SFTPA1: variants seen among roughly 807,000 people sequenced by gnomAD.
SFTPA1 encodes the protein pulmonary surfactant-associated protein A1.
SFTPA1 carries 13 observed loss-of-function variants against 19.1 expected under a neutral mutation model. The ratio of observed to expected loss-of-function variants is 0.68; its 90% CI spans 0.44 to 1.08. The LOEUF is 1.08. Ranked by LOEUF, SFTPA1 falls within the 50% of genes least tolerant of loss-of-function variation. SFTPA1 has a pLI of 0.00. For missense variants in SFTPA1, 259 were observed against 316.4 expected (o/e 0.82, Z 1.38); for synonymous variants, 101 against 117.0 (o/e 0.86, Z 0.88).
At chr10:79,612,496 G>C in intron 4 of SFTPA1, 65 bp downstream of exon 4, 2 of 1,600,804 alleles carry the variant, frequency 1.2e-6, no homozygotes, top group Non-Finnish European at 1.7e-6. Flanking sequence ...TCAGTTACAC[G>C]GGGATGATGG....
chr10:79,614,951 A>G lies in SFTPA1; in HGVS notation c.*838A>G. ...CTTTCATTAATCCATTCACCCAGAT[A>G]TTTCATTAAAATTATCACGTGCCAG... On this transcript the variant is annotated 3_prime_UTR_variant, in exon 6 of 6. Coordinates refer to ENST00000398636, the MANE Select transcript of SFTPA1 (RefSeq NM_005411.5). The G allele has an allele frequency of 1.6e-6, 2 of 1,287,080 alleles. No homozygotes were observed. The highest frequency in any genetic ancestry group is 2.1e-6 in the Non-Finnish European group (2 of 975,070). 79.7% of individuals were successfully genotyped at this position (1,287,080 alleles called of 1,614,324 possible).
chr10:79,610,961 C>G lies in SFTPA1; in HGVS notation c.-116C>G, dbSNP rs946444484. 2.0e-5 allele frequency: 3 copies of G among 152,380 alleles called. No individual in the cohort carries two copies. The highest frequency in any genetic ancestry group is 4.4e-5 in the Non-Finnish European group (3 of 68,234). The allele number at this position is 152,380 out of a possible 1,614,324, so 9.4% of individuals were successfully genotyped here. On this transcript the variant is annotated 5_prime_UTR_variant, in exon 1 of 6. Coordinates refer to ENST00000398636, the MANE Select transcript of SFTPA1 (RefSeq NM_005411.5). Reference sequence around the variant, plus strand: ...TCTGACTTGGAGGCAGAGACCCAAGCAGCTGGAGGCTCTGTGTGTGGGTGA... The same window carrying G: ...TCTGACTTGGAGGCAGAGACCCAAGGAGCTGGAGGCTCTGTGTGTGGGTGA...
At position 79,612,388 on chromosome 10, in the gene SFTPA1, A is replaced by G. The variant is rs1214577796; in HGVS notation, c.249A>G (p.Gly83=). The change falls in exon 4 of 6, where the codon GGA becomes GGG. Residue 83 remains glycine, a synonymous_variant. Coordinates refer to ENST00000398636, the MANE Select transcript of SFTPA1 (RefSeq NM_005411.5). ...DGLPGAPGIP[G]ECGEKGEPGE... ...TGCCTGGAGCCCCTGGTATCCCTGG[A>G]GAGTGTGGAGAGAAGGGGGAGCCTG... 6.2e-7 allele frequency: 1 copy of G among 1,613,512 alleles called. No individual in the cohort carries two copies. The highest frequency in any genetic ancestry group is 8.5e-7 in the Non-Finnish European group (1 of 1,179,814).
At chr10:79,613,072 G>C in intron 4 of SFTPA1, 117 bp from the exon 5 acceptor site, 4 of 1,593,068 alleles carry the variant, frequency 2.5e-6, no homozygotes, top group South Asian at 2.3e-5. Context: ...TCTGGGTGGC[G>C]CCTAACAGCA....
rs767860867 is a variant in SFTPA1, at chr10:79,612,394, T to C, written c.255T>C (p.Cys85=). ...LPGAPGIPGE[C]GEKGEPGERG... is the part of the protein sequence containing the mutation. ...GAGCCCCTGGTATCCCTGGAGAGTGTGGAGAGAAGGGGGAGCCTGGCGAGA... is the reference window on the plus strand; with the variant it reads ...GAGCCCCTGGTATCCCTGGAGAGTGCGGAGAGAAGGGGGAGCCTGGCGAGA... The change falls in exon 4 of 6, where the codon TGT becomes TGC. Residue 85 remains cysteine, a synonymous_variant. Coordinates refer to ENST00000398636, the MANE Select transcript of SFTPA1 (RefSeq NM_005411.5). 2.9e-5 allele frequency: 46 copies of C among 1,613,134 alleles called. No homozygotes were observed. The Admixed American group carries it at 4.2e-4, about 15-fold the overall frequency.
intron 2 of SFTPA1, 81 bp from the exon 3 acceptor site, chr10:79,611,722 A>G (rs1371571006): frequency 6.2e-6 from 10 of 1,609,250 alleles, no homozygotes; most frequent in Non-Finnish European, 8.5e-6. Flanking sequence ...GGCTCTGCCC[A>G]GCTTCCTGAG....
At position 79,613,227 on chromosome 10, in the gene SFTPA1, C is replaced by T. The variant is rs757950486; in HGVS notation, c.331C>T (p.Leu111Phe). 2 of 1,614,082 alleles carry T rather than the reference C, an allele frequency of 1.2e-6. No individual in the cohort carries two copies. Among genetic ancestry groups the T allele is most frequent in the Non-Finnish European group, 1.7e-6 (2 of 1,180,000 alleles). The change falls in exon 5 of 6, where the codon CTC becomes TTC. Residue 111 changes from leucine to phenylalanine, a missense_variant. Coordinates refer to ENST00000398636, the MANE Select transcript of SFTPA1 (RefSeq NM_005411.5). ...AHLDEELQAT[L>F]HDFRHQILQT... is the part of the protein sequence containing the mutation. Reference sequence around the variant, plus strand: ...TCTAGATGAGGAGCTCCAAGCCACACTCCACGACTTTAGACATCAAATCCT... The same window carrying T: ...TCTAGATGAGGAGCTCCAAGCCACATTCCACGACTTTAGACATCAAATCCT...
intron 3 of SFTPA1, 67 bp downstream of exon 3, chr10:79,612,064 C>T (rs1859882015): frequency 6.3e-7 from 1 of 1,596,252 alleles, no homozygotes; most frequent in Non-Finnish European, 8.5e-7. Flanking sequence ...CCCATCTGTC[C>T]AGGCCCCTAG....
Position 79,615,215 on chromosome 10 carries a change from G to A in SFTPA1, c.*1102G>A. 3.5e-6 allele frequency: 2 copies of A among 572,374 alleles called. No individual in the cohort carries two copies. Among genetic ancestry groups the A allele is most frequent in the Non-Finnish European group, 5.5e-6 (2 of 364,960 alleles). 35.5% of individuals were successfully genotyped at this position (572,374 alleles called of 1,614,324 possible). A position where few individuals can be genotyped will look rare whatever the true frequency, so the allele number is the denominator to read the frequency against. On this transcript the variant is annotated 3_prime_UTR_variant, in exon 6 of 6. Coordinates refer to ENST00000398636, the MANE Select transcript of SFTPA1 (RefSeq NM_005411.5). ...AAGCACTTCTAATACAGCATATTATGTACTATTCAATCTTTACACAATGTC... is the reference window on the plus strand; with the variant it reads ...AAGCACTTCTAATACAGCATATTATATACTATTCAATCTTTACACAATGTC...
Position 79,610,985 on chromosome 10 carries a change from G to C in SFTPA1, c.-95+3G>C, listed in dbSNP as rs896861562. The C allele has an allele frequency of 2.6e-5, 4 of 152,594 alleles. No homozygotes were observed. The highest frequency in any genetic ancestry group is 7.2e-5 in the African/African-American group (3 of 41,448). 9.5% of individuals were successfully genotyped at this position (152,594 alleles called of 1,614,324 possible). Reference sequence around the variant, plus strand: ...GCAGCTGGAGGCTCTGTGTGTGGGTGAGTTTAGCCCCATCCCCTAGGTGTT... The same window carrying C: ...GCAGCTGGAGGCTCTGTGTGTGGGTCAGTTTAGCCCCATCCCCTAGGTGTT... On this transcript the variant is annotated splice_donor_region_variant and intron_variant, in intron 1 of 5. Transcript: ENST00000398636.
Position 79,614,250 on chromosome 10 carries a change from T to C in SFTPA1, c.*137T>C. 5 of 1,411,088 alleles carry C rather than the reference T, an allele frequency of 3.5e-6. No homozygotes were observed. Among genetic ancestry groups the C allele is most frequent in the Non-Finnish European group, 4.9e-6 (5 of 1,025,692 alleles). The allele number at this position is 1,411,088 out of a possible 1,614,324, so 87.4% of individuals were successfully genotyped here. On this transcript the variant is annotated 3_prime_UTR_variant, in exon 6 of 6. Coordinates refer to ENST00000398636, the MANE Select transcript of SFTPA1 (RefSeq NM_005411.5). Reference sequence around the variant, plus strand: ...TGGCTATTGGGACTGGAGGCACCCTTAGCCACTTCATTCCTCTGATGGGCC... The same window carrying C: ...TGGCTATTGGGACTGGAGGCACCCTCAGCCACTTCATTCCTCTGATGGGCC...
Position 79,615,172 on chromosome 10 carries a change from T to C in SFTPA1, c.*1059T>C. 3.6e-6 allele frequency: 4 copies of C among 1,121,408 alleles called. No individual in the cohort carries two copies. The highest frequency in any genetic ancestry group is 4.8e-6 in the Non-Finnish European group (4 of 840,952). 69.5% of individuals were successfully genotyped at this position (1,121,408 alleles called of 1,614,324 possible). A position where few individuals can be genotyped will look rare whatever the true frequency, so the allele number is the denominator to read the frequency against. ...GAGGCTATTGACTGAGCACCTATCA[T>C]TTGCCAAGAACCTTGACAAGCACTT... On this transcript the variant is annotated 3_prime_UTR_variant, in exon 6 of 6. Transcript: ENST00000398636.
Position 79,611,322 on chromosome 10 carries a change from G to A in SFTPA1, c.-91G>A, listed in dbSNP as rs745561324. On this transcript the variant is annotated 5_prime_UTR_variant, in exon 2 of 6. Coordinates refer to ENST00000398636, the MANE Select transcript of SFTPA1 (RefSeq NM_005411.5). ...GTTCATCTTTTTTCATTCTCAGGTC[G>A]CTGATTTCTTGGAGCCTGAAAAGAA... The A allele has an allele frequency of 4.4e-5, 17 of 383,028 alleles. No homozygotes were observed. The highest frequency in any genetic ancestry group is 1.1e-4 in the South Asian group (2 of 18,568). The allele number at this position is 383,028 out of a possible 1,614,324, so 23.7% of individuals were successfully genotyped here. A position where few individuals can be genotyped will look rare whatever the true frequency, so the allele number is the denominator to read the frequency against.
chr10:79,615,145 C>G lies in SFTPA1; in HGVS notation c.*1032C>G, dbSNP rs1005447013. 3.2e-6 allele frequency: 4 copies of G among 1,267,026 alleles called. No homozygotes were observed. The African/African-American group carries it at 6.1e-5, about 19-fold the overall frequency. The allele number at this position is 1,267,026 out of a possible 1,614,324, so 78.5% of individuals were successfully genotyped here. ...TTACTACCAGAACTGTTACTATACA[C>G]AGAGGCTATTGACTGAGCACCTATC... On this transcript the variant is annotated 3_prime_UTR_variant, in exon 6 of 6. Transcript: ENST00000398636.
rs1445884383 is a variant in SFTPA1, at chr10:79,613,627, G to A, written c.371-110G>A. ...GGAAGAGGAAGAGAAGACACAGAGA[G>A]AGGCAGAGATGGAGAGACTGGGGAG... On this transcript the variant is annotated intron_variant, in intron 5 of 5. Coordinates refer to ENST00000398636, the MANE Select transcript of SFTPA1 (RefSeq NM_005411.5). The A allele has an allele frequency of 3.3e-6, 5 of 1,537,550 alleles. No individual in the cohort carries two copies. The African/African-American group carries it at 6.8e-5, about 21-fold the overall frequency.
In SFTPA1 at chr10:79,613,731, T is replaced by C. The variant is rs376742035; in HGVS notation, c.371-6T>C. On this transcript the variant is annotated splice_region_variant and splice_polypyrimidine_tract_variant and intron_variant, in intron 5 of 5. Transcript: ENST00000398636. ...AGTGGCCTGACCCGGACTCCTCTGC[T>C]CTCAGCCCTCAGTCTGCAGGGCTCC... The C allele has an allele frequency of 8.7e-6, 14 of 1,613,940 alleles. No individual in the cohort carries two copies. The highest frequency in any genetic ancestry group is 1.2e-5 in the Non-Finnish European group (14 of 1,179,854).
rs376400307 is a variant in SFTPA1 at position 79,611,886 on chromosome 10, G to A, written c.61G>A (p.Glu21Lys). 13 of 1,614,004 alleles carry A rather than the reference G, an allele frequency of 8.1e-6. No homozygotes were observed. The highest frequency in any genetic ancestry group is 4.5e-5 in the East Asian group (2 of 44,880). The change falls in exon 3 of 6, where the codon GAA becomes AAA. Residue 21 changes from glutamate (E) to lysine (K), a missense_variant. Physicochemically the swap from Glu to Lys is moderately conservative, Grantham distance 56 (BLOSUM62 1). Coordinates refer to ENST00000398636, the MANE Select transcript of SFTPA1 (RefSeq NM_005411.5). ...ILMAASGAVC[E>K]VKDVCVGSPG... ...GATGGCAGCCTCTGGTGCTGTGTGC[G>A]AAGTGAAGGACGTTTGTGTTGGAAG...
chr10:79,613,296 A>T (rs1265332510), intron 5 of SFTPA1, 30 bp downstream of exon 5: 1 of 1,613,782 alleles, frequency 6.2e-7, no homozygotes, highest in South Asian at 1.1e-5. Context: ...CTCACGGGGT[A>T]GGAGTTTCCC....
Position 79,614,021 on chromosome 10 carries a change from C to T in SFTPA1, c.655C>T (p.Arg219Trp), listed in dbSNP as rs4253527. The change falls in exon 6 of 6, where the codon CGG becomes TGG. Residue 219 changes from arginine (R) to tryptophan (W), a missense_variant. Physicochemically the swap from Arg to Trp is moderately radical, Grantham distance 101. Transcript: ENST00000398636. Reference sequence around the variant, plus strand: ...CTGGTACCGAGGGGAGCCCGCAGGTCGGGGAAAAGAGCAGTGTGTGGAGAT... The same window carrying T: ...CTGGTACCGAGGGGAGCCCGCAGGTTGGGGAAAAGAGCAGTGTGTGGAGAT... ...TNWYRGEPAGRGKEQCVEMYT... is the reference protein window; with the variant it reads ...TNWYRGEPAGWGKEQCVEMYT... 0.089 allele frequency: 143,721 copies of T among 1,614,084 alleles called. 7,308 individuals are homozygous for T. Among genetic ancestry groups the T allele is most frequent in the East Asian group, 0.23 (10,160 of 44,878 alleles).
Sources: allele counts gnomAD v4.1 joint callset, GRCh38; gene constraint gnomAD v4.1.1; transcripts MANE v1.5; gene names NCBI Gene and HGNC (gene_info 2026-07-23, HGNC 2026-07-21).